PIGK: variants seen among roughly 807,000 people sequenced by gnomAD.
The protein encoded by PIGK is phosphatidylinositol glycan anchor biosynthesis class K.
In PIGK, 42 loss-of-function variants were observed where a neutral mutation model predicts 50.6. The observed-to-expected ratio is 0.83, with a 90% CI of 0.65 to 1.07. The LOEUF is 1.07. Among genes scored for constraint, PIGK ranks in the 50% least tolerant of loss-of-function variants. The pLI, the probability that PIGK is intolerant of heterozygous loss-of-function variation, is 0.00. For missense variants in PIGK, 448 were observed against 488.7 expected (o/e 0.92, Z 0.78); for synonymous variants, 151 against 156.0 (o/e 0.97, Z 0.24).
chr1:77,112,820 C>T (rs1653884124), intron 10 of PIGK, among the ~76,000 whole-genome samples: 1 of 152,024 alleles, frequency 6.6e-6, no homozygotes, highest in Non-Finnish European at 1.5e-5. Flanking sequence ...CCCATTTTCT[C>T]ACTTTCAGTA....
At chr1:77,194,724 C>A (rs1043429617) in intron 3 of PIGK, 2 of 317,614 alleles carry the variant, frequency 6.3e-6, no homozygotes, top group African/African-American at 4.4e-5. Flanking sequence ...AATTTGTACA[C>A]CAAACCCTGT....
intron 10 of PIGK, among the ~76,000 whole-genome samples, chr1:77,107,798 G>A (rs984210092): frequency 8.5e-5 from 13 of 152,132 alleles, no homozygotes; most frequent in African/African-American, 2.9e-4. Context: ...ATATATTTAC[G>A]ATAGTTAGCT....
chr1:77,219,244 A>G (rs1442170232), intron 1 of PIGK, 66 bp downstream of exon 1: 1 of 1,330,242 alleles, frequency 7.5e-7, no homozygotes. Context: ...GCTACTGTGT[A>G]TCGGACATCT....
intron 3 of PIGK, among the ~76,000 whole-genome samples, chr1:77,200,526 A>C (rs1028204194): frequency 1.3e-5 from 2 of 152,116 alleles, no homozygotes; most frequent in Non-Finnish European, 2.9e-5. Flanking sequence ...ATAAGAATAA[A>C]ATGAGACAAT....
Position 77,106,160 on chromosome 1 carries a change from C to T in PIGK, c.1072-13670G>A, listed in dbSNP as rs537842889. On this transcript the variant is annotated intron_variant, in intron 10 of 10. Transcript: ENST00000370812. ...GTTAATGGGACAAGTTTTAAATTTA[C>T]TATAACAGGATTTTGTTACTTTGCT... 3.3e-4 allele frequency among the ~76,000 whole-genome samples: 51 copies of T among 152,284 alleles called. 1 individual carries two copies. The highest frequency in any genetic ancestry group is 1.2e-3 in the African/African-American group (50 of 41,574).
At chr1:77,141,479 G>A (rs2100542989) in intron 9 of PIGK, among the ~76,000 whole-genome samples, 1 of 152,160 alleles carries the variant, frequency 6.6e-6, no homozygotes, top group Non-Finnish European at 1.5e-5. Flanking sequence ...CTTAGTAAAA[G>A]TACTTTCAGA....
chr1:77,107,028 T>C (rs947166512), intron 10 of PIGK, among the ~76,000 whole-genome samples: 3 of 152,174 alleles, frequency 2.0e-5, no homozygotes, highest in African/African-American at 7.2e-5. Flanking sequence ...GTTGATCTTT[T>C]CAAAAAAACA....
At position 77,172,304 on chromosome 1, in the gene PIGK, A is replaced by G. The variant is rs529050390; in HGVS notation, c.240-2909T>C. On this transcript the variant is annotated intron_variant, in intron 3 of 10. Coordinates refer to ENST00000370812, the MANE Select transcript of PIGK (RefSeq NM_005482.3). ...ACCACCCATATACTGCCAAGTGCTC[A>G]AACTGTGTTCAAATAAGTAAAATGC... Among the ~76,000 whole-genome samples the G allele has an allele frequency of 1.2e-4, 19 of 152,262 alleles. 1 individual carries two copies. The highest frequency in any genetic ancestry group is 4.3e-4 in the African/African-American group (18 of 41,550).
intron 10 of PIGK, among the ~76,000 whole-genome samples, chr1:77,107,329 C>T (rs2100515931): frequency 6.6e-6 from 1 of 152,244 alleles, no homozygotes; most frequent in Non-Finnish European, 1.5e-5. Context: ...TTTATTTCTG[C>T]CTTCATTTCA....
At chr1:77,207,012 C>A (rs1656303300) in intron 2 of PIGK, among the ~76,000 whole-genome samples, 1 of 152,032 alleles carries the variant, frequency 6.6e-6, no homozygotes, top group Non-Finnish European at 1.5e-5. Flanking sequence ...ACTAAAAATA[C>A]AAAAATTACC....
intron 3 of PIGK, among the ~76,000 whole-genome samples, chr1:77,199,920 C>T (rs950689435): frequency 3.3e-5 from 5 of 152,046 alleles, no homozygotes; most frequent in African/African-American, 1.2e-4. Context: ...GCACTCATCA[C>T]TAAAATACCT....
chr1:77,192,450 C>T (rs1655931167), intron 3 of PIGK, among the ~76,000 whole-genome samples: 1 of 151,904 alleles, frequency 6.6e-6, no homozygotes, highest in Non-Finnish European at 1.5e-5. Flanking sequence ...TTTTAGATTC[C>T]ACATTGCAAT....
At chr1:77,171,270 AC>A (rs556877422) in intron 3 of PIGK, among the ~76,000 whole-genome samples, 226 of 151,750 alleles carry the variant, frequency 1.5e-3, no homozygotes, top group Non-Finnish European at 2.5e-3. Context: ...CCCTGTCTCT[AC>A]TAAAAATACA....
intron 9 of PIGK, among the ~76,000 whole-genome samples, chr1:77,144,828 C>T (rs987866938): frequency 2.0e-5 from 3 of 151,746 alleles, no homozygotes; most frequent in East Asian, 1.9e-4. Context: ...ATAAATTAAA[C>T]GAATCACATC....
In PIGK at chr1:77,090,332, C is replaced by G. The variant is rs1653267339; in HGVS notation, c.*2042G>C. ...TTAGTTATTATGAAGGCAGAGTATG[C>G]TCTATGTAAAAAGATTATGGTTATA... On this transcript the variant is annotated 3_prime_UTR_variant, in exon 11 of 11. Transcript: ENST00000370812. The G allele has an allele frequency of 6.6e-6, 1 of 152,172 alleles. No individual in the cohort carries two copies. The highest frequency in any genetic ancestry group is 1.5e-5 in the Non-Finnish European group (1 of 68,040). 9.4% of individuals were successfully genotyped at this position (152,172 alleles called of 1,614,324 possible).
At chr1:77,093,827 G>A (rs1262722810) in intron 10 of PIGK, among the ~76,000 whole-genome samples, 1 of 152,034 alleles carries the variant, frequency 6.6e-6, no homozygotes, top group African/African-American at 2.4e-5. Flanking sequence ...AAAAGTCCTT[G>A]CCCTCTAATA....
chr1:77,116,685 C>G (rs543118921), intron 10 of PIGK, among the ~76,000 whole-genome samples: 1 of 151,688 alleles, frequency 6.6e-6, no homozygotes, highest in East Asian at 1.9e-4. Flanking sequence ...TAATAGTCAT[C>G]AGGACCAAGA....
At chr1:77,101,266 A>T (rs1653534760) in intron 10 of PIGK, among the ~76,000 whole-genome samples, 1 of 152,230 alleles carries the variant, frequency 6.6e-6, no homozygotes, top group Admixed American at 6.5e-5. Context: ...GAAGTAAAGA[A>T]AAATAGCTGA....
In PIGK at chr1:77,154,490, C is replaced by A. The variant is rs1468252637; in HGVS notation, c.945G>T (p.Glu315Asp). Residue 315 changes from glutamate (E) to aspartate (D), a missense_variant, in exon 9 of 11, where the codon GAG (glutamate) becomes GAT (aspartate). Transcript: ENST00000370812. ...GSVRKVEITT[E>D]TIKLQQDSEI... ...CTGAATCCTGTTGCAATTTAATAGT[C>A]TCTGTTGTAATTTCCACTTTCCGTA... 6.2e-7 allele frequency: 1 copy of A among 1,611,910 alleles called. No homozygotes were observed. The highest frequency in any genetic ancestry group is 8.5e-7 in the Non-Finnish European group (1 of 1,178,596).
Sources: allele counts gnomAD v4.1 joint callset (sites outside exome capture counted in the v4.1 genomes callset), GRCh38; gene constraint gnomAD v4.1.1; transcripts MANE v1.5; gene names NCBI Gene and HGNC (gene_info 2026-07-23, HGNC 2026-07-21).